Variants in PIK3R3 observed in about 807,000 individuals in gnomAD.
The protein encoded by PIK3R3 is phosphoinositide-3-kinase regulatory subunit 3.
PIK3R3 carries 64 observed loss-of-function variants against 62.9 expected under a neutral mutation model. That is an observed-to-expected ratio of 1.02 (90% CI 0.83 to 1.25). The LOEUF is 1.25. PIK3R3 is among the 50% of genes most tolerant of loss of function. The probability of loss-of-function intolerance (pLI) is 0.00; values close to 1 mark genes in which losing one functional copy is unlikely to be tolerated. For missense variants in PIK3R3, 614 were observed against 561.6 expected (o/e 1.09, Z -0.94); for synonymous variants, 165 against 189.0 (o/e 0.87, Z 1.04).
intron 1 of PIK3R3, among the ~76,000 whole-genome samples, chr1:46,100,512 C>T (rs1433396521): frequency 6.6e-6 from 1 of 152,170 alleles, no homozygotes; most frequent in Non-Finnish European, 1.5e-5. Flanking sequence ...GCCAATACCA[C>T]ATTGCCTTAA....
intron 1 of PIK3R3, among the ~76,000 whole-genome samples, chr1:46,101,701 G>T (rs989400846): frequency 5.9e-5 from 9 of 152,146 alleles, no homozygotes; most frequent in African/African-American, 2.2e-4. Flanking sequence ...GACAAATATT[G>T]TATGATTCAA....
Position 46,040,770 on chromosome 1 carries a change from T to G in PIK3R3, c.*2903A>C, listed in dbSNP as rs866944174. The G allele has an allele frequency of 5.2e-6, 1 of 192,942 alleles. No individual in the cohort carries two copies. The highest frequency in any genetic ancestry group is 1.1e-5 in the Non-Finnish European group (1 of 92,332). 12.0% of individuals were successfully genotyped at this position (192,942 alleles called of 1,614,324 possible). A position where few individuals can be genotyped will look rare whatever the true frequency, so the allele number is the denominator to read the frequency against. ...GCTCTCAAAGCTTCTTCAAAGCACA[T>G]GAGGCCTAAATAAGTGGAGGTCCCA... On this transcript the variant is annotated 3_prime_UTR_variant, in exon 10 of 10. Transcript: ENST00000262741.
chr1:46,045,187 C>T (rs1396360508), intron 9 of PIK3R3, among the ~76,000 whole-genome samples: 3 of 152,190 alleles, frequency 2.0e-5, no homozygotes, highest in East Asian at 3.8e-4. Context: ...GATAAGGAAA[C>T]TGGGCAAAGA....
chr1:46,085,212 T>C (rs1650951369), intron 1 of PIK3R3, among the ~76,000 whole-genome samples: 1 of 152,158 alleles, frequency 6.6e-6, no homozygotes, highest in Admixed American at 6.6e-5. Flanking sequence ...AATCATAAGA[T>C]CTGAACTGAA....
chr1:46,102,265 G>C (rs1021343643), intron 1 of PIK3R3, among the ~76,000 whole-genome samples: 3 of 152,126 alleles, frequency 2.0e-5, no homozygotes, highest in Admixed American at 6.6e-5. Context: ...GATTACAGGC[G>C]TGAGCCACAG....
chr1:46,162,060 C>T, the PIK3R3 span, among the ~76,000 whole-genome samples: 1 of 150,988 alleles, frequency 6.6e-6, no homozygotes, highest in Admixed American at 6.6e-5. Flanking sequence ...CCACCGCACT[C>T]CAGCCTGGGC....
chr1:46,050,317 C>A (rs1389326423), intron 7 of PIK3R3, among the ~76,000 whole-genome samples: 1 of 152,008 alleles, frequency 6.6e-6, no homozygotes, highest in Non-Finnish European at 1.5e-5. Context: ...GTAATCCCAG[C>A]ACTTTGGGAG....
At chr1:46,095,759 TCTC>T (rs908006019) in intron 1 of PIK3R3, among the ~76,000 whole-genome samples, 8 of 152,306 alleles carry the variant, frequency 5.3e-5, no homozygotes, top group African/African-American at 1.9e-4. Context: ...TTAATGTGAT[TCTC>T]CCTCTATATC....
chr1:46,166,077 CCTTTT>C, the PIK3R3 span, among the ~76,000 whole-genome samples: 1 of 151,268 alleles, frequency 6.6e-6, no homozygotes, highest in East Asian at 2.0e-4. Flanking sequence ...CCCGGCCTGT[CCTTTT>C]ATTATGAAGG....
In PIK3R3 at chr1:46,132,210, G is replaced by T. The variant is rs945819980; in HGVS notation, c.-258C>A. ...AGGATTACACAGAGGCTTGGGGGAC[G>T]GAGAGCAGAGGTGTTAAAAAGCGGC... On this transcript the variant is annotated 5_prime_UTR_variant, in exon 1 of 10. Coordinates refer to ENST00000262741, the MANE Select transcript of PIK3R3 (RefSeq NM_003629.4). 9 of 1,218,898 alleles carry T rather than the reference G, an allele frequency of 7.4e-6. No homozygotes were observed. Among genetic ancestry groups the T allele is most frequent in the Non-Finnish European group, 9.3e-6 (9 of 972,246 alleles). The allele number at this position is 1,218,898 out of a possible 1,614,324, so 75.5% of individuals were successfully genotyped here. A position where few individuals can be genotyped will look rare whatever the true frequency, so the allele number is the denominator to read the frequency against.
At chr1:46,123,253 A>G (rs933115565) in intron 1 of PIK3R3, among the ~76,000 whole-genome samples, 9 of 152,092 alleles carry the variant, frequency 5.9e-5, no homozygotes, top group African/African-American at 2.2e-4. Flanking sequence ...ATTTTTGGAG[A>G]AAGTTTTAAG....
chr1:46,062,300 G>C (rs990155424), intron 5 of PIK3R3, among the ~76,000 whole-genome samples: 5 of 152,166 alleles, frequency 3.3e-5, no homozygotes, highest in African/African-American at 1.2e-4. Context: ...AATAGGCCAG[G>C]CGTGGTGGCT....
chr1:46,151,598 C>G, the PIK3R3 span, among the ~76,000 whole-genome samples: 5 of 152,146 alleles, frequency 3.3e-5, no homozygotes, highest in African/African-American at 1.2e-4. Context: ...ATAATAAAGA[C>G]AGATCAAGCT....
chr1:46,097,306 G>A (rs1652227942), intron 1 of PIK3R3, among the ~76,000 whole-genome samples: 1 of 152,124 alleles, frequency 6.6e-6, no homozygotes, highest in Non-Finnish European at 1.5e-5. Context: ...CACTTTGGGA[G>A]GCCATGGCGA....
At chr1:46,155,812 C>G in the PIK3R3 span, among the ~76,000 whole-genome samples, 1 of 151,948 alleles carries the variant, frequency 6.6e-6, no homozygotes, top group Non-Finnish European at 1.5e-5. Context: ...CATTTTTTAA[C>G]GATTGGGAAA....
chr1:46,075,306 A>G (rs1649965975), intron 3 of PIK3R3, among the ~76,000 whole-genome samples: 1 of 152,236 alleles, frequency 6.6e-6, no homozygotes, highest in Non-Finnish European at 1.5e-5. Flanking sequence ...TTAATTAAGG[A>G]AACTCATCCT....
At chr1:46,130,529 G>A (rs1655490627) in intron 1 of PIK3R3, among the ~76,000 whole-genome samples, 1 of 151,532 alleles carries the variant, frequency 6.6e-6, no homozygotes, top group African/African-American at 2.4e-5. Flanking sequence ...TTCAATACTA[G>A]TTTTTAGTAC....
At chr1:46,062,892 T>C (rs1352184843) in intron 5 of PIK3R3, among the ~76,000 whole-genome samples, 1 of 152,204 alleles carries the variant, frequency 6.6e-6, no homozygotes, top group Non-Finnish European at 1.5e-5. Flanking sequence ...GCTTAAGGGA[T>C]CATTCCACCT....
At chr1:46,148,657 A>G in the PIK3R3 span, among the ~76,000 whole-genome samples, 3 of 152,106 alleles carry the variant, frequency 2.0e-5, no homozygotes, top group Non-Finnish European at 4.4e-5. Flanking sequence ...AGAATTGGAG[A>G]AGAGCATTTC....
Sources: gnomAD v4.1 joint callset for allele counts (sites outside exome capture counted in the v4.1 genomes callset) on GRCh38, gnomAD v4.1.1 for gene constraint, MANE v1.5 for transcripts, NCBI Gene and HGNC (gene_info 2026-07-23, HGNC 2026-07-21) for gene names.